Variants in EML6 observed in about 807,000 individuals in gnomAD.
EML6 encodes the protein echinoderm microtubule-associated protein-like 6.
A neutral mutation model predicts 240.1 loss-of-function variants in EML6; 154 were observed. That is an observed-to-expected ratio of 0.64 (90% CI 0.56 to 0.73). The LOEUF (loss-of-function observed/expected upper bound fraction) is 0.73. EML6 is among the 30% of genes least tolerant of loss of function. The probability of loss-of-function intolerance (pLI) is 0.00; values close to 1 mark genes in which losing one functional copy is unlikely to be tolerated. For synonymous variants in EML6, 1,148 were observed against 899.0 expected, an observed-to-expected ratio of 1.28 and a Z score of -4.95; for missense variants, 2,964 against 2,474.6, an observed-to-expected ratio of 1.20 and a Z score of -4.20.
At chr2:54,920,788 C>T (rs1674205010) in intron 26 of EML6, among the ~76,000 whole-genome samples, 1 of 152,048 alleles carries the variant, frequency 6.6e-6, no homozygotes, top group African/African-American at 2.4e-5. Context: ...AATTCAACAG[C>T]ACATTAAAAA....
chr2:54,929,078 G>T (rs998345314), intron 28 of EML6, among the ~76,000 whole-genome samples: 1 of 152,202 alleles, frequency 6.6e-6, no homozygotes, highest in African/African-American at 2.4e-5. Context: ...CAGCTGACAG[G>T]AAAGCCTGCT....
Position 54,777,314 on chromosome 2 carries a change from T to C in EML6, c.198-35918T>C, listed in dbSNP as rs150710406. Among the ~76,000 whole-genome samples the C allele has an allele frequency of 9.7e-4, 147 of 152,330 alleles. No homozygotes were observed. The Middle Eastern group carries it at 0.01, about 11-fold the overall frequency. ...GGAGTGATGGAGAGGAGCCTATAAG[T>C]AGTCCAGCTGCTCTGCAGGATATCA... On this transcript the variant is annotated intron_variant, in intron 2 of 41. Coordinates refer to ENST00000356458, the MANE Select transcript of EML6 (RefSeq NM_001039753.4).
intron 8 of EML6, 133 bp downstream of exon 8, chr2:54,844,381 T>C (rs1669639043): frequency 1.4e-6 from 1 of 692,550 alleles, no homozygotes; most frequent in Non-Finnish European, 2.4e-6. Context: ...GACATTTAGC[T>C]CATCAAGTGG....
intron 28 of EML6, among the ~76,000 whole-genome samples, chr2:54,936,101 G>C (rs974378030): frequency 6.6e-6 from 1 of 152,188 alleles, no homozygotes; most frequent in Non-Finnish European, 1.5e-5. Context: ...CACATTAAGA[G>C]AAAGCCAGAA....
At chr2:54,888,042 G>T (rs1672248389) in intron 17 of EML6, among the ~76,000 whole-genome samples, 1 of 152,212 alleles carries the variant, frequency 6.6e-6, no homozygotes, top group South Asian at 2.1e-4. Flanking sequence ...TGGGCTTGCT[G>T]CCCAAAAAGC....
chr2:54,811,387 C>T (rs1318682825), intron 2 of EML6, among the ~76,000 whole-genome samples: 4 of 152,172 alleles, frequency 2.6e-5, no homozygotes, highest in South Asian at 2.1e-4. Context: ...TGTCTTTTCA[C>T]GTGAATCCCC....
At chr2:54,832,253 C>G (rs1668908927) in intron 7 of EML6, among the ~76,000 whole-genome samples, 1 of 152,220 alleles carries the variant, frequency 6.6e-6, no homozygotes, top group South Asian at 2.1e-4. Flanking sequence ...CCTGCATGGA[C>G]AGGGTCATGT....
chr2:54,884,614 G>A (rs1357496629), intron 17 of EML6, among the ~76,000 whole-genome samples: 2 of 152,192 alleles, frequency 1.3e-5, no homozygotes, highest in Non-Finnish European at 2.9e-5. Context: ...GATTGTAGGA[G>A]TAGTAGGTCA....
intron 37 of EML6, 140 bp downstream of exon 37, chr2:54,964,298 TTC>T: frequency 1.2e-6 from 1 of 829,348 alleles, no homozygotes; most frequent in East Asian, 2.7e-5. Flanking sequence ...AAAGAATACC[TTC>T]TCCCACTCTC....
chr2:54,792,705 A>G (rs1669519140), intron 2 of EML6, among the ~76,000 whole-genome samples: 1 of 152,216 alleles, frequency 6.6e-6, no homozygotes, highest in African/African-American at 2.4e-5. Flanking sequence ...AAATACTGCT[A>G]AAAAAGTTTA....
intron 2 of EML6, among the ~76,000 whole-genome samples, chr2:54,766,867 T>C (rs970343835): frequency 6.6e-6 from 1 of 152,150 alleles, no homozygotes; most frequent in Non-Finnish European, 1.5e-5. Context: ...TCTTCGTCAT[T>C]ATATGCCTTA....
rs1216432893 is a variant in EML6, at chr2:54,913,071, G to GTTT, written c.3498+2047_3498+2049dup. ...TTACTCTTCAGCCTTGCCAGATTCT[G>GTTT]TTTTTTTTTTTTTTTTTTTTACTTT... On this transcript the variant is annotated intron_variant, in intron 25 of 41. Coordinates refer to ENST00000356458, the MANE Select transcript of EML6 (RefSeq NM_001039753.4). 2.5e-3 allele frequency among the ~76,000 whole-genome samples: 311 copies of GTTT among 125,676 alleles called. 4 individuals carry two copies. Among genetic ancestry groups the GTTT allele is most frequent in the Non-Finnish European group, 3.7e-3 (223 of 60,608 alleles). 82.4% of individuals were successfully genotyped at this position (125,676 alleles called of 152,430 possible).
chr2:54,815,212 G>T (rs1668028748), intron 3 of EML6, among the ~76,000 whole-genome samples: 1 of 151,830 alleles, frequency 6.6e-6, no homozygotes, highest in African/African-American at 2.4e-5. Flanking sequence ...TCTCCTTTAG[G>T]TTTCATTTTG....
chr2:54,756,096 C>G (rs1271976241), intron 2 of EML6, among the ~76,000 whole-genome samples: 1 of 152,110 alleles, frequency 6.6e-6, no homozygotes, highest in Non-Finnish European at 1.5e-5. Context: ...TTTTGTTTCT[C>G]TCATTCAGTG....
At chr2:54,897,498 C>A (rs552838006) in intron 21 of EML6, among the ~76,000 whole-genome samples, 3 of 152,172 alleles carry the variant, frequency 2.0e-5, no homozygotes, top group Non-Finnish European at 4.4e-5. Flanking sequence ...CAGTCACATG[C>A]TAAGAACTGC....
intron 2 of EML6, chr2:54,748,430 T>C (rs1684014505): frequency 6.6e-6 from 1 of 152,234 alleles, no homozygotes; most frequent in South Asian, 2.1e-4. Flanking sequence ...GTATCTTGTT[T>C]GCTGTCTTCA....
chr2:54,910,480 C>G (rs1673581209), intron 24 of EML6, among the ~76,000 whole-genome samples: 1 of 152,206 alleles, frequency 6.6e-6, no homozygotes, highest in African/African-American at 2.4e-5. Flanking sequence ...TTTGTGTGTT[C>G]TGTTTCTAAA....
intron 13 of EML6, among the ~76,000 whole-genome samples, chr2:54,865,079 A>G (rs1670896529): frequency 1.3e-5 from 2 of 152,230 alleles, no homozygotes; most frequent in African/African-American, 4.8e-5. Flanking sequence ...TTATGCAAAC[A>G]CTAAACAATA....
At chr2:54,842,427 T>C (rs1410423235) in intron 7 of EML6, among the ~76,000 whole-genome samples, 1 of 152,202 alleles carries the variant, frequency 6.6e-6, no homozygotes, top group Non-Finnish European at 1.5e-5. Context: ...CTAATTGGAA[T>C]GACAGATTAC....
Sources: allele counts gnomAD v4.1 joint callset (sites outside exome capture counted in the v4.1 genomes callset), GRCh38; gene constraint gnomAD v4.1.1; transcripts MANE v1.5; gene names NCBI Gene and HGNC (gene_info 2026-07-23, HGNC 2026-07-21).